The following NR2C1 variants were observed in gnomAD, a reference collection of about 807,000 sequenced individuals.
NR2C1 encodes TR2 nuclear hormone receptor.
Under a neutral mutation model 74.8 loss-of-function variants are expected in NR2C1, and 33 were observed. The observed-to-expected ratio is 0.44, with a 90% CI of 0.33 to 0.59. The LOEUF is 0.59. NR2C1 is among the 20% of genes least tolerant of loss of function. The pLI is 0.02. For missense variants in NR2C1, 568 were observed against 715.6 expected, an observed-to-expected ratio of 0.79 and a Z score of 2.35; for synonymous variants, 225 against 240.6, an observed-to-expected ratio of 0.94 and a Z score of 0.60.
intron 9 of NR2C1, among the ~76,000 whole-genome samples, chr12:95,041,754 A>C (rs2136128693): frequency 6.6e-6 from 1 of 152,342 alleles, no homozygotes; most frequent in South Asian, 2.1e-4. Flanking sequence ...CCATCTACCA[A>C]AATTTTGAAA....
intron 12 of NR2C1, 31 bp downstream of exon 12, chr12:95,028,351 CATTTT>C (rs1565832994): frequency 2.6e-6 from 4 of 1,565,098 alleles, no homozygotes; most frequent in East Asian, 2.3e-5. Context: ...CATCGTGAAA[CATTTT>C]ATTTTGAATA....
chr12:95,058,578 A>G (rs1277482858), intron 4 of NR2C1, 89 bp from the exon 5 acceptor site: 4 of 1,007,964 alleles, frequency 4.0e-6, no homozygotes, highest in African/African-American at 3.3e-5. Flanking sequence ...TAAACAACAT[A>G]TAAGATGAAA....
At chr12:95,044,371 A>G (rs1872018739) in intron 9 of NR2C1, among the ~76,000 whole-genome samples, 1 of 151,318 alleles carries the variant, frequency 6.6e-6, no homozygotes. Flanking sequence ...GGGTTCAAGC[A>G]ATTCTCCTGC....
chr12:95,052,079 G>A, intron 7 of NR2C1, 136 bp from the exon 8 acceptor site: 1 of 518,434 alleles, frequency 1.9e-6, no homozygotes, highest in Non-Finnish European at 3.2e-6. Flanking sequence ...AAAGGGCTGA[G>A]CTTTCAGAAA....
At position 95,028,355 on chromosome 12, in the gene NR2C1, T is replaced by A. The variant is rs1404442157; in HGVS notation, c.1531+32A>T. On this transcript the variant is annotated intron_variant, in intron 12 of 13. Transcript: ENST00000333003. ...CTATTTCTCCACATCGTGAAACATT[T>A]TATTTTGAATAAAAAGTAAATGTTT... 2.5e-6 allele frequency: 4 copies of A among 1,576,692 alleles called. No homozygotes were observed. In the African/African-American group the frequency reaches 4.1e-5, roughly 16 times the overall value.
At chr12:95,054,703 A>G (rs1351802038) in intron 7 of NR2C1, among the ~76,000 whole-genome samples, 1 of 152,238 alleles carries the variant, frequency 6.6e-6, no homozygotes, top group African/African-American at 2.4e-5. Context: ...CCTAAAACTT[A>G]GAAGCTTATA....
chr12:95,045,699 C>G (rs1391579679), intron 9 of NR2C1, among the ~76,000 whole-genome samples: 1 of 152,060 alleles, frequency 6.6e-6, no homozygotes, highest in Admixed American at 6.6e-5. Context: ...CCAAAACCAC[C>G]TCACTTCTGT....
At chr12:95,025,656 C>CT (rs1252134447) in intron 12 of NR2C1, among the ~76,000 whole-genome samples, 5 of 66,688 alleles carry the variant, frequency 7.5e-5, no homozygotes, top group East Asian at 4.4e-4. Flanking sequence ...GAAACTCTGT[C>CT]TTAAAAAAAA....
At position 95,022,287 on chromosome 12, in the gene NR2C1, T is replaced by C. The variant is rs759999984; in HGVS notation, c.1754A>G (p.His585Arg). 3 of 1,612,362 alleles carry C rather than the reference T, an allele frequency of 1.9e-6. No individual in the cohort carries two copies. The highest frequency in any genetic ancestry group is 1.7e-4 in the Middle Eastern group (1 of 6,056). The change falls in exon 14 of 14, where the codon CAT (histidine) becomes CGT (arginine). Residue 585 changes from histidine to arginine, a missense_variant. Transcript: ENST00000333003. ...GNIRIDSVIPHILKMEPADYN... is the reference protein window; with the variant it reads ...GNIRIDSVIPRILKMEPADYN... The stretch of plus-strand genomic sequence containing the variant: ...ATCTGCAGGCTCCATTTTCAAAATA[T>C]GTGGGATAACACTGTCAATTCGTAT...
intron 4 of NR2C1, among the ~76,000 whole-genome samples, chr12:95,059,159 G>A (rs1276531320): frequency 6.6e-6 from 1 of 151,524 alleles, no homozygotes; most frequent in Non-Finnish European, 1.5e-5. Flanking sequence ...AAAATTAGCA[G>A]GGCATGGTGG....
At chr12:95,065,818 C>T (rs529535396) in intron 2 of NR2C1, among the ~76,000 whole-genome samples, 304 of 152,010 alleles carry the variant, frequency 2.0e-3, no homozygotes, top group African/African-American at 6.9e-3. Flanking sequence ...GGCGTGGTGG[C>T]AGGCACCTGT....
chr12:95,071,012 C>A (rs573140295), intron 1 of NR2C1, among the ~76,000 whole-genome samples: 1 of 152,252 alleles, frequency 6.6e-6, no homozygotes, highest in Admixed American at 6.5e-5. Context: ...CCAGCCTGGC[C>A]AACATGGTGA....
chr12:95,028,509 T>G lies in NR2C1; in HGVS notation c.1409A>C (p.Glu470Ala), dbSNP rs771044226. The G allele has an allele frequency of 6.5e-7, 1 of 1,548,252 alleles. No individual in the cohort carries two copies. ...NSLQQDKMST[E>A]RRKLLMEHIF... ...GTGCTCCATCAATAATTTTCTTCTTTCTGTTGACATTTTATCTTTAATTAA... is the reference window on the plus strand; with the variant it reads ...GTGCTCCATCAATAATTTTCTTCTTGCTGTTGACATTTTATCTTTAATTAA... Residue 470 changes from glutamate to alanine, a missense_variant, in exon 12 of 14, where the codon GAA (glutamate) becomes GCA (alanine). By Grantham distance (107) the Glu-to-Ala change is moderately radical. Transcript: ENST00000333003.
At chr12:95,064,737 T>C (rs916189861) in intron 2 of NR2C1, among the ~76,000 whole-genome samples, 7 of 152,202 alleles carry the variant, frequency 4.6e-5, no homozygotes, top group African/African-American at 1.7e-4. Flanking sequence ...TTAAACATCA[T>C]TAAGCCAATT....
chr12:95,072,410 G>A (rs1026542683), intron 1 of NR2C1, among the ~76,000 whole-genome samples: 1 of 136,328 alleles, frequency 7.3e-6, no homozygotes, highest in Non-Finnish European at 1.5e-5. Flanking sequence ...CCGAGATCGC[G>A]CCACCGCACT....
Position 95,025,355 on chromosome 12 carries a change from C to T in NR2C1, c.1532-100G>A, listed in dbSNP as rs141431863. 172 of 642,662 alleles carry T rather than the reference C, an allele frequency of 2.7e-4. 1 individual carries two copies. The African/African-American group carries it at 2.8e-3, about 10-fold the overall frequency. The allele number at this position is 642,662 out of a possible 1,614,324, so 39.8% of individuals were successfully genotyped here. On this transcript the variant is annotated intron_variant, in intron 12 of 13. Coordinates refer to ENST00000333003, the MANE Select transcript of NR2C1 (RefSeq NM_003297.4). ...AGAAAGAATAGTCAAAATAGAAGCC[C>T]CATCATAAAATGTGTGGCTCAGGCC...
intron 4 of NR2C1, among the ~76,000 whole-genome samples, chr12:95,059,572 C>T (rs149876061): frequency 1.3e-5 from 2 of 151,218 alleles, no homozygotes; most frequent in Non-Finnish European, 2.9e-5. Flanking sequence ...ATTAGCCATG[C>T]GTGCTGGCAT....
chr12:95,022,529 T>A (rs1172606647), intron 13 of NR2C1, 126 bp from the exon 14 acceptor site: 1 of 824,788 alleles, frequency 1.2e-6, no homozygotes, highest in Admixed American at 2.5e-5. Context: ...AAAGTTAAAA[T>A]CAAAACTTTA....
At chr12:95,035,329 T>TA (rs968623515) in intron 10 of NR2C1, among the ~76,000 whole-genome samples, 13 of 151,880 alleles carry the variant, frequency 8.6e-5, no homozygotes, top group African/African-American at 3.1e-4. Flanking sequence ...CTTTAAACAT[T>TA]AAAAAAAATT....
Sources: gnomAD v4.1 joint callset for allele counts (sites outside exome capture counted in the v4.1 genomes callset) on GRCh38, gnomAD v4.1.1 for gene constraint, MANE v1.5 for transcripts, NCBI Gene and HGNC (gene_info 2026-07-23, HGNC 2026-07-21) for gene names.